Variants in BIVM observed in about 807,000 individuals in gnomAD.
BIVM encodes the protein basic immunoglobulin-like variable motif-containing protein.
Under a neutral mutation model 61.4 loss-of-function variants are expected in BIVM, and 31 were observed. The ratio of observed to expected loss-of-function variants is 0.51; its 90% CI spans 0.38 to 0.68. The LOEUF (loss-of-function observed/expected upper bound fraction) is 0.68. BIVM is among the 30% of genes least tolerant of loss of function. The pLI, the probability that BIVM is intolerant of heterozygous loss-of-function variation, is 0.00. For missense variants in BIVM, 526 were observed against 596.0 expected, an observed-to-expected ratio of 0.88 and a Z score of 1.22; for synonymous variants, 189 against 210.7, an observed-to-expected ratio of 0.90 and a Z score of 0.89.
At chr13:102,825,094 C>G (rs1012291450) in intron 7 of BIVM, among the ~76,000 whole-genome samples, 1 of 152,044 alleles carries the variant, frequency 6.6e-6, no homozygotes, top group Non-Finnish European at 1.5e-5. Context: ...AGGCGCCCAC[C>G]ACCATGCCCG....
intron 9 of BIVM, among the ~76,000 whole-genome samples, chr13:102,837,040 C>T (rs780289357): frequency 2.0e-5 from 3 of 152,074 alleles, no homozygotes; most frequent in African/African-American, 7.2e-5. Context: ...GTAATCCCAG[C>T]GCTTAGGTGG....
At chr13:102,816,909 A>G (rs1422547926) in intron 4 of BIVM, 1 of 153,480 alleles carries the variant, frequency 6.5e-6, no homozygotes, top group Admixed American at 6.6e-5. Context: ...ATCTCAAGTT[A>G]CCTAAGTATG....
At chr13:102,805,806 G>C (rs1299265722) in intron 2 of BIVM, among the ~76,000 whole-genome samples, 2 of 152,112 alleles carry the variant, frequency 1.3e-5, no homozygotes, top group Admixed American at 1.3e-4. Context: ...TGTTTTCGGG[G>C]TTCATCCATG....
rs1191499589 is a variant in BIVM, at chr13:102,839,866, C to T, written c.*1C>T. ...CAGTGATTACGATGGGAATGATTGACTATGCTTGCTACTGAACAGCTGGCA... is the reference window on the plus strand; with the variant it reads ...CAGTGATTACGATGGGAATGATTGATTATGCTTGCTACTGAACAGCTGGCA... On this transcript the variant is annotated 3_prime_UTR_variant, in exon 11 of 11. Transcript: ENST00000257336. The T allele has an allele frequency of 1.2e-6, 2 of 1,607,014 alleles. No homozygotes were observed. The highest frequency in any genetic ancestry group is 1.1e-5 in the South Asian group (1 of 90,824).
In BIVM at chr13:102,833,327, G is replaced by GTTTTTTTTTTTT. The variant is rs532303115; in HGVS notation, c.1035-1132_1035-1121dup. Among the ~76,000 whole-genome samples the GTTTTTTTTTTTT allele has an allele frequency of 1.7e-3, 133 of 79,576 alleles. 29 individuals are homozygous for GTTTTTTTTTTTT. Among genetic ancestry groups the GTTTTTTTTTTTT allele is most frequent in the South Asian group, 3.3e-3 (6 of 1,820 alleles). 52.2% of individuals were successfully genotyped at this position (79,576 alleles called of 152,430 possible). ...TGGCTTGGTCATGGGGATAGGATGG[G>GTTTTTTTTTTTT]TTTTTTTTTTTTTTTTTTGAGACAA... On this transcript the variant is annotated intron_variant, in intron 8 of 10. Transcript: ENST00000257336.
chr13:102,839,627 T>G lies in BIVM; in HGVS notation c.1274T>G (p.Phe425Cys). 1 of 1,614,222 alleles carries G rather than the reference T, an allele frequency of 6.2e-7. No individual in the cohort carries two copies. Among genetic ancestry groups the G allele is most frequent in the Non-Finnish European group, 8.5e-7 (1 of 1,180,042 alleles). The change falls in exon 11 of 11, where the codon TTT (phenylalanine) becomes TGT (cysteine). Residue 425 changes from phenylalanine to cysteine, a missense_variant. Phe to Cys is a radical substitution (Grantham distance 205, BLOSUM62 -2). Coordinates refer to ENST00000257336, the MANE Select transcript of BIVM (RefSeq NM_017693.4). Reference sequence around the variant, plus strand: ...TTCCAGAGACTTAACTGGCAAAGATTTGGCCTTTGGAACTTTCCATTTGGA... The same window carrying G: ...TTCCAGAGACTTAACTGGCAAAGATGTGGCCTTTGGAACTTTCCATTTGGA... The part of the protein sequence containing the change: ...IAFQRLNWQR[F>C]GLWNFPFGTI...
At chr13:102,824,913 C>T (rs1172437053) in intron 7 of BIVM, among the ~76,000 whole-genome samples, 1 of 150,828 alleles carries the variant, frequency 6.6e-6, no homozygotes, top group African/African-American at 2.5e-5. Context: ...GTTCATGCCA[C>T]TGCACCTGGC....
At chr13:102,804,512 C>T (rs1878939850) in intron 1 of BIVM, among the ~76,000 whole-genome samples, 1 of 152,202 alleles carries the variant, frequency 6.6e-6, no homozygotes, top group South Asian at 2.1e-4. Context: ...CAGGGTTTCA[C>T]CCTGTGTGCC....
intron 5 of BIVM, among the ~76,000 whole-genome samples, 158 bp downstream of exon 5, chr13:102,821,290 TATTTTC>T (rs1880258844): frequency 6.6e-6 from 1 of 152,218 alleles, no homozygotes; most frequent in South Asian, 2.1e-4. Context: ...ATACATGTAT[TATTTTC>T]AGTGAAATAA....
At chr13:102,832,554 C>G (rs952601409) in intron 8 of BIVM, among the ~76,000 whole-genome samples, 3 of 152,208 alleles carry the variant, frequency 2.0e-5, no homozygotes, top group Non-Finnish European at 4.4e-5. Context: ...ATTTTATAGA[C>G]TATGTCACAG....
chr13:102,829,595 T>C (rs1002726127), intron 7 of BIVM, among the ~76,000 whole-genome samples: 5 of 152,092 alleles, frequency 3.3e-5, no homozygotes, highest in Non-Finnish European at 7.4e-5. Flanking sequence ...TCCCAGCACT[T>C]TGGGAGGCTG....
rs969481297 is a variant in BIVM at position 102,807,924 on chromosome 13, T to C, written c.478+179T>C. On this transcript the variant is annotated intron_variant, in intron 3 of 10. Coordinates refer to ENST00000257336, the MANE Select transcript of BIVM (RefSeq NM_017693.4). This position sits in a 1 kb window ranked among gnomAD's most constrained non-coding sequence, Gnocchi z 4.0. ...ACCTTGACGTAGGGCATGTAGTTCA[T>C]TGCGGGGCTTCCACTGGAAACTTCA... 2.4e-4 allele frequency among the ~76,000 whole-genome samples: 37 copies of C among 152,110 alleles called. No homozygotes were observed. The highest frequency in any genetic ancestry group is 8.2e-4 in the African/African-American group (34 of 41,440).
At chr13:102,834,197 T>A (rs1320806624) in intron 8 of BIVM, among the ~76,000 whole-genome samples, 5 of 152,116 alleles carry the variant, frequency 3.3e-5, no homozygotes, top group South Asian at 2.1e-4. Flanking sequence ...ATTCCAGGAT[T>A]TTTTTTTCCT....
At chr13:102,828,954 C>T (rs919620308) in intron 7 of BIVM, among the ~76,000 whole-genome samples, 4 of 151,094 alleles carry the variant, frequency 2.6e-5, no homozygotes, top group African/African-American at 7.3e-5. Flanking sequence ...TGCTTGAACC[C>T]GGGAGGTGGA....
chr13:102,834,862 C>G (rs1881354501), intron 9 of BIVM, among the ~76,000 whole-genome samples: 1 of 152,076 alleles, frequency 6.6e-6, no homozygotes, highest in South Asian at 2.1e-4. Context: ...TTTGAGATTC[C>G]TCCATTGTGT....
rs1880337730 is a variant in BIVM, at chr13:102,822,169, CAT to C, written c.901+14_901+15del. ...ACAGCAGGAGAAACTGGTAGGTAAA[CAT>C]ATAGAAGATTTACATACACACATAC... On this transcript the variant is annotated intron_variant, in intron 7 of 10. Transcript: ENST00000257336. 1 of 1,610,588 alleles carries C rather than the reference CAT, an allele frequency of 6.2e-7. No individual in the cohort carries two copies. Among genetic ancestry groups the C allele is most frequent in the Non-Finnish European group, 8.5e-7 (1 of 1,177,642 alleles).
chr13:102,834,533 C>A lies in BIVM; in HGVS notation c.1102C>A (p.Pro368Thr). ...AATTGGAGAATCAAGTAGAAAACAT[C>A]CTGCCATTCACTGTAAAAAGTATGT... ...ILIGESSRKH[P>T]AIHCKKWADI... Residue 368 changes from proline (P) to threonine (T), a missense_variant, in exon 9 of 11, where the codon CCT (proline) becomes ACT (threonine). Pro to Thr is a conservative substitution (Grantham distance 38, BLOSUM62 -1). This residue lies in a region of BIVM where 210 missense variants were observed against 233.1 expected (regional missense o/e 0.90). Coordinates refer to ENST00000257336, the MANE Select transcript of BIVM (RefSeq NM_017693.4). 2.5e-6 allele frequency: 4 copies of A among 1,588,944 alleles called. No homozygotes were observed. The highest frequency in any genetic ancestry group is 2.6e-6 in the Non-Finnish European group (3 of 1,172,178).
Position 102,840,878 on chromosome 13 carries a change from C to A in BIVM, c.*1013C>A, listed in dbSNP as rs1228926524. ...GGGTAAAGTAAAAGAACAATTGGCA[C>A]CTTAAGTTTCTATACCCAAGGTTAT... On this transcript the variant is annotated 3_prime_UTR_variant, in exon 11 of 11. Transcript: ENST00000257336. 3.3e-5 allele frequency: 5 copies of A among 151,892 alleles called. No homozygotes were observed. Among genetic ancestry groups the A allele is most frequent in the East Asian group, 1.9e-4 (1 of 5,184 alleles). The allele number at this position is 151,892 out of a possible 1,614,324, so 9.4% of individuals were successfully genotyped here.
chr13:102,823,708 G>A (rs1229240808), intron 7 of BIVM, among the ~76,000 whole-genome samples: 1 of 152,094 alleles, frequency 6.6e-6, no homozygotes, highest in Non-Finnish European at 1.5e-5. Context: ...CTTCAGCTGT[G>A]TCTAGTTTGC....
Sources: allele counts gnomAD v4.1 joint callset (sites outside exome capture counted in the v4.1 genomes callset), GRCh38; gene constraint gnomAD v4.1.1; regional missense constraint gnomAD v4.1.1; non-coding constraint Gnocchi (gnomAD v3.1); transcripts MANE v1.5; gene names NCBI Gene and HGNC (gene_info 2026-07-23, HGNC 2026-07-21).